The following RUNX2 variants were observed in gnomAD, a reference collection of about 807,000 sequenced individuals.
RUNX2 encodes runt-related transcription factor 2.
Under a neutral mutation model 51.7 loss-of-function variants are expected in RUNX2, and 10 were observed. The observed-to-expected ratio is 0.19, with a 90% confidence interval of 0.12 to 0.33. RUNX2 has a LOEUF of 0.33. Ranked by LOEUF, RUNX2 falls within the 10% of genes least tolerant of loss-of-function variation. RUNX2 has a pLI of 1.00. For missense variants in RUNX2, 562 were observed against 691.3 expected (o/e 0.81, Z 2.10); for synonymous variants, 276 against 273.6 (o/e 1.01, Z -0.09).
intron 6 of RUNX2, among the ~76,000 whole-genome samples, chr6:45,503,180 A>G (rs566563188): frequency 1.1e-4 from 16 of 152,248 alleles, no homozygotes; most frequent in African/African-American, 3.6e-4. Flanking sequence ...AGCATTTACC[A>G]TAGTTATATG....
chr6:45,331,126 T>TGTGC (rs1554347257), intron 2 of RUNX2, among the ~76,000 whole-genome samples: 34 of 132,916 alleles, frequency 2.6e-4, no homozygotes, highest in African/African-American at 8.8e-4. Flanking sequence ...TGTGTGTGTG[T>TGTGC]GCGCGCGCGC....
chr6:45,540,476 A>G (rs73737464), intron 7 of RUNX2, among the ~76,000 whole-genome samples: 219 of 152,128 alleles, frequency 1.4e-3, no homozygotes, highest in African/African-American at 4.9e-3. Context: ...ACAGAGAACC[A>G]TGTTGGAGTC....
intron 2 of RUNX2, among the ~76,000 whole-genome samples, chr6:45,386,876 G>A (rs1797358768): frequency 6.6e-6 from 1 of 152,136 alleles, no homozygotes; most frequent in African/African-American, 2.4e-5. Context: ...TTAAGTTTGG[G>A]CTTTATCTAA....
At chr6:45,355,749 T>C (rs1242155880) in intron 2 of RUNX2, among the ~76,000 whole-genome samples, 3 of 152,198 alleles carry the variant, frequency 2.0e-5, no homozygotes, top group East Asian at 1.9e-4. Flanking sequence ...AAATTCTAAA[T>C]TGGAAGAGGC....
Position 45,492,132 on chromosome 6 carries a change from G to A in RUNX2, c.859+18G>A. The A allele has an allele frequency of 6.2e-7, 1 of 1,613,390 alleles. No homozygotes were observed. Among genetic ancestry groups the A allele is most frequent in the South Asian group, 1.1e-5 (1 of 91,070 alleles). ...GATTACAGGTAAGACAGACTCATAGGTTTCACTTGCATAGACGCTGGCAGG... is the reference window on the plus strand; with the variant it reads ...GATTACAGGTAAGACAGACTCATAGATTTCACTTGCATAGACGCTGGCAGG... On this transcript the variant is annotated intron_variant, in intron 6 of 8. Coordinates refer to ENST00000647337, the MANE Select transcript of RUNX2 (RefSeq NM_001024630.4).
intron 2 of RUNX2, 100 bp from the exon 3 acceptor site, chr6:45,422,493 T>A: frequency 3.2e-6 from 1 of 311,300 alleles, no homozygotes; most frequent in South Asian, 3.9e-5. Context: ...CCGTCTCGCC[T>A]TCACCCCCCC....
intron 5 of RUNX2, among the ~76,000 whole-genome samples, chr6:45,442,722 T>C (rs1798876278): frequency 6.6e-6 from 1 of 152,152 alleles, no homozygotes; most frequent in Non-Finnish European, 1.5e-5. Context: ...TGTGGGTTGA[T>C]TGGGGTTCAT....
At position 45,479,459 on chromosome 6, in the gene RUNX2, C is replaced by T. The variant is rs78717600; in HGVS notation, c.686-12482C>T. Among the ~76,000 whole-genome samples the T allele has an allele frequency of 2.5e-3, 375 of 152,182 alleles. 3 individuals are homozygous for T. Among genetic ancestry groups the T allele is most frequent in the African/African-American group, 8.3e-3 (343 of 41,514 alleles). On this transcript the variant is annotated intron_variant, in intron 5 of 8. Transcript: ENST00000647337. ...TAAAGCATGTGGGGCCTTGAGAGGA[C>T]GGTATCCCTAATTACCTGGATAGAG...
At chr6:45,519,244 T>C (rs1801425518) in intron 7 of RUNX2, among the ~76,000 whole-genome samples, 1 of 152,238 alleles carries the variant, frequency 6.6e-6, no homozygotes, top group Non-Finnish European at 1.5e-5. Context: ...TTTATTCTTT[T>C]GAGAGATTTT....
intron 2 of RUNX2, among the ~76,000 whole-genome samples, chr6:45,394,297 G>GC (rs1332562163): frequency 6.6e-6 from 1 of 151,940 alleles, no homozygotes; most frequent in African/African-American, 2.4e-5. Context: ...TGAGGGATCC[G>GC]CCCCCATGAC....
intron 2 of RUNX2, among the ~76,000 whole-genome samples, chr6:45,372,472 T>C (rs930608249): frequency 6.6e-6 from 1 of 152,204 alleles, no homozygotes; most frequent in African/African-American, 2.4e-5. Flanking sequence ...AAGTGAAATA[T>C]ACAGAATTCA....
chr6:45,488,657 C>T (rs1800357178), intron 5 of RUNX2, among the ~76,000 whole-genome samples: 1 of 152,116 alleles, frequency 6.6e-6, no homozygotes, highest in Non-Finnish European at 1.5e-5. Flanking sequence ...CCTGGACATC[C>T]ATGTTTCAAA....
intron 5 of RUNX2, among the ~76,000 whole-genome samples, chr6:45,448,562 G>T (rs1446295061): frequency 6.6e-6 from 1 of 152,130 alleles, no homozygotes; most frequent in Admixed American, 6.5e-5. Context: ...TGCTGGCTCG[G>T]TGTGTGTCTT....
At chr6:45,403,225 G>A (rs1249638671) in intron 2 of RUNX2, among the ~76,000 whole-genome samples, 3 of 134,014 alleles carry the variant, frequency 2.2e-5, no homozygotes, top group African/African-American at 8.2e-5. Context: ...AATTGTTTGA[G>A]TTTCTTTTTT....
At position 45,550,465 on chromosome 6, in the gene RUNX2, G is replaced by C. The variant is rs1200428; in HGVS notation, c.*3160G>C. On this transcript the variant is annotated 3_prime_UTR_variant, in exon 9 of 9. Transcript: ENST00000647337. ...CAGCTTTAAGGATTCCCTCAATTCC[G>C]AGGAAAGGGACTGGCCCAGAATCCA... 1 of 152,224 alleles carries C rather than the reference G, an allele frequency of 6.6e-6. No individual in the cohort carries two copies. The allele number at this position is 152,224 out of a possible 1,614,324, so 9.4% of individuals were successfully genotyped here.
chr6:45,431,775 A>G, intron 3 of RUNX2, 88 bp from the exon 4 acceptor site: 1 of 1,455,894 alleles, frequency 6.9e-7, no homozygotes, highest in Non-Finnish European at 9.6e-7. Context: ...AAGTCCTGAT[A>G]AGACACATCA....
At chr6:45,331,287 T>C (rs137900989) in intron 2 of RUNX2, among the ~76,000 whole-genome samples, 130 of 152,184 alleles carry the variant, frequency 8.5e-4, no homozygotes, top group African/African-American at 2.8e-3. Context: ...ATGTGACTCA[T>C]AGAGTATCTT....
intron 7 of RUNX2, among the ~76,000 whole-genome samples, chr6:45,536,944 A>G (rs947758215): frequency 2.0e-5 from 3 of 151,936 alleles, no homozygotes; most frequent in African/African-American, 7.3e-5. Flanking sequence ...CAAGATTTTG[A>G]TTCTCAATTT....
intron 2 of RUNX2, among the ~76,000 whole-genome samples, chr6:45,338,732 A>T (rs569514911): frequency 9.2e-5 from 14 of 152,266 alleles, no homozygotes; most frequent in Non-Finnish European, 1.6e-4. Context: ...TTTATAAAAC[A>T]TCCAAGTATG....
Sources: allele counts gnomAD v4.1 joint callset (sites outside exome capture counted in the v4.1 genomes callset), GRCh38; gene constraint gnomAD v4.1.1; transcripts MANE v1.5; gene names NCBI Gene and HGNC (gene_info 2026-07-23, HGNC 2026-07-21).